The following UBE3D variants were observed in gnomAD, a reference collection of about 807,000 sequenced individuals.
UBE3D encodes the protein E3 ubiquitin-protein ligase E3D.
In UBE3D, 48 loss-of-function variants were observed where a neutral mutation model predicts 49.6. That is an observed-to-expected ratio of 0.97 (90% CI 0.77 to 1.23). The LOEUF (loss-of-function observed/expected upper bound fraction) is 1.23, where lower values mean the gene tolerates loss of function less well. Among genes scored for constraint, UBE3D ranks in the 50% most tolerant of loss-of-function variants. The pLI is 0.00. For synonymous variants in UBE3D, 189 were observed against 174.2 expected (o/e 1.08, Z -0.67); for missense variants, 452 against 468.4 (o/e 0.96, Z 0.32).
intron 9 of UBE3D, among the ~76,000 whole-genome samples, chr6:82,950,560 G>A (rs1582442387): frequency 6.6e-6 from 1 of 152,182 alleles, no homozygotes; most frequent in African/African-American, 2.4e-5. Flanking sequence ...TTGAGGTCAG[G>A]AGTTCAAGAA....
At chr6:83,042,909 A>G (rs914341824) in intron 4 of UBE3D, among the ~76,000 whole-genome samples, 1 of 152,022 alleles carries the variant, frequency 6.6e-6, no homozygotes, top group Non-Finnish European at 1.5e-5. Flanking sequence ...TTATGTTTCT[A>G]TTTTGGTCAC....
intron 5 of UBE3D, among the ~76,000 whole-genome samples, chr6:83,028,292 G>C (rs369114457): frequency 1.4e-4 from 22 of 152,158 alleles, no homozygotes; most frequent in East Asian, 1.4e-3. Context: ...ATTTATCTTT[G>C]GTTGCATGGT....
intron 8 of UBE3D, among the ~76,000 whole-genome samples, chr6:82,970,917 C>T (rs993699468): frequency 1.3e-4 from 20 of 152,072 alleles, no homozygotes; most frequent in Admixed American, 5.2e-4. Flanking sequence ...ATTCATTTTA[C>T]AAAGAGGATT....
At chr6:82,889,942 A>G (rs1770950977), downstream of UBE3D, among the ~76,000 whole-genome samples, 1 of 151,522 alleles carries the variant, frequency 6.6e-6, no homozygotes, top group Non-Finnish European at 1.5e-5. Flanking sequence ...AAACAAGTTC[A>G]CAGAACCACT....
chr6:82,976,707 T>G (rs558783085), intron 8 of UBE3D, among the ~76,000 whole-genome samples: 88 of 152,164 alleles, frequency 5.8e-4, no homozygotes, highest in Non-Finnish European at 1.0e-3. Flanking sequence ...TACTCCTCTA[T>G]TGTCTTGGAA....
intron 9 of UBE3D, among the ~76,000 whole-genome samples, chr6:82,923,679 G>A (rs760336210): frequency 2.2e-4 from 34 of 152,146 alleles, no homozygotes; most frequent in African/African-American, 6.0e-4. Context: ...CAAAATGCAC[G>A]TTCTGCACAT....
intron 7 of UBE3D, 109 bp downstream of exon 7, chr6:83,022,344 A>G: frequency 1.3e-6 from 1 of 747,696 alleles, no homozygotes; most frequent in Non-Finnish European, 2.0e-6. Context: ...AACATTTTTA[A>G]TCACTTATTT....
At chr6:83,005,594 G>T (rs1779919350) in intron 8 of UBE3D, among the ~76,000 whole-genome samples, 1 of 151,104 alleles carries the variant, frequency 6.6e-6, no homozygotes, top group Non-Finnish European at 1.5e-5. Context: ...ACCAGCCTGG[G>T]CAACATAGTA....
At chr6:82,921,141 A>G (rs542682360) in intron 9 of UBE3D, among the ~76,000 whole-genome samples, 116 of 152,228 alleles carry the variant, frequency 7.6e-4, no homozygotes, top group African/African-American at 2.7e-3. Flanking sequence ...TTTTTAGTAG[A>G]CTGGGTTTTG....
chr6:82,948,738 A>T (rs1775580358), intron 9 of UBE3D, among the ~76,000 whole-genome samples: 1 of 152,096 alleles, frequency 6.6e-6, no homozygotes, highest in Admixed American at 6.6e-5. Context: ...GTGAGATATC[A>T]TATCAACAGA....
At chr6:82,891,082 G>A (rs1770970730), downstream of UBE3D, among the ~76,000 whole-genome samples, 1 of 152,092 alleles carries the variant, frequency 6.6e-6, no homozygotes, top group Admixed American at 6.5e-5. Context: ...CTAAGCTTAG[G>A]CTACATGCCA....
intron 9 of UBE3D, among the ~76,000 whole-genome samples, chr6:82,910,634 C>T (rs1413628324): frequency 6.6e-6 from 1 of 152,196 alleles, no homozygotes; most frequent in Non-Finnish European, 1.5e-5. Flanking sequence ...ACGGCTGTCA[C>T]AGAGCAGCAT....
intron 8 of UBE3D, among the ~76,000 whole-genome samples, chr6:82,964,588 G>A (rs1776778335): frequency 6.6e-6 from 1 of 152,132 alleles, no homozygotes; most frequent in Non-Finnish European, 1.5e-5. Flanking sequence ...GCTTATACCT[G>A]TAAATTTTAG....
chr6:82,956,493 G>A (rs1041498612), intron 9 of UBE3D, among the ~76,000 whole-genome samples: 2 of 152,156 alleles, frequency 1.3e-5, no homozygotes, highest in Admixed American at 1.3e-4. Context: ...AATATCAAGG[G>A]CAGTAGGGAA....
chr6:82,944,865 G>A (rs1775288805), intron 9 of UBE3D, among the ~76,000 whole-genome samples: 1 of 152,194 alleles, frequency 6.6e-6, no homozygotes, highest in Non-Finnish European at 1.5e-5. Context: ...GTCATGGAGT[G>A]AAGCTCTTCT....
intron 9 of UBE3D, 72 bp from the exon 10 acceptor site, chr6:82,893,114 C>A: frequency 1.3e-6 from 2 of 1,566,334 alleles, no homozygotes; most frequent in South Asian, 2.2e-5. Flanking sequence ...TACATCAAAT[C>A]AGAATCAGGT....
At chr6:82,968,064 A>C (rs1000934164) in intron 8 of UBE3D, among the ~76,000 whole-genome samples, 3 of 152,188 alleles carry the variant, frequency 2.0e-5, no homozygotes, top group African/African-American at 7.2e-5. Flanking sequence ...AATAGCTACG[A>C]GCTGCTATGA....
In UBE3D at chr6:82,893,329, C is replaced by T. The variant is rs115380256; in HGVS notation, c.1150-287G>A. On this transcript the variant is annotated intron_variant, in intron 9 of 9. Coordinates refer to ENST00000369747, the MANE Select transcript of UBE3D (RefSeq NM_198920.3). The stretch of plus-strand genomic sequence containing the variant: ...TATTGCTACGAAGTAATCCAGTCCT[C>T]ATTTCCATCGATTCACAACTATTGT... Among the ~76,000 whole-genome samples, 358 of 152,220 alleles carry T rather than the reference C, an allele frequency of 2.4e-3. 1 individual carries two copies. The highest frequency in any genetic ancestry group is 8.2e-3 in the African/African-American group (339 of 41,522).
intron 3 of UBE3D, among the ~76,000 whole-genome samples, chr6:83,051,319 G>A (rs1488431959): frequency 6.6e-6 from 1 of 152,128 alleles, no homozygotes; most frequent in East Asian, 1.9e-4. Flanking sequence ...TCAGGGTTAG[G>A]GAGAGTGAGT....
Sources: allele counts gnomAD v4.1 joint callset (sites outside exome capture counted in the v4.1 genomes callset), GRCh38; gene constraint gnomAD v4.1.1; transcripts MANE v1.5; gene names NCBI Gene and HGNC (gene_info 2026-07-23, HGNC 2026-07-21).